ANO2: variants seen among roughly 807,000 people sequenced by gnomAD.
ANO2 encodes anoctamin 2.
ANO2 carries 101 observed loss-of-function variants against 124.2 expected under a neutral mutation model. The observed-to-expected ratio is 0.81, with a 90% CI of 0.69 to 0.96. The LOEUF (loss-of-function observed/expected upper bound fraction) is 0.96, where lower values mean the gene tolerates loss of function less well. Ranked by LOEUF, ANO2 falls within the 40% of genes least tolerant of loss-of-function variation. The pLI, the probability that ANO2 is intolerant of heterozygous loss-of-function variation, is 0.00. For synonymous variants in ANO2, 486 were observed against 482.5 expected (o/e 1.01, Z -0.09); for missense variants, 1,293 against 1,274.5 (o/e 1.01, Z -0.22).
At chr12:5,654,093 C>G (rs1947047607) in intron 14 of ANO2, among the ~76,000 whole-genome samples, 1 of 152,170 alleles carries the variant, frequency 6.6e-6, no homozygotes, top group African/African-American at 2.4e-5. Context: ...AAAATCAGAA[C>G]AGAATGAGAC....
chr12:5,945,692 G>A (rs888892742), upstream of ANO2, among the ~76,000 whole-genome samples: 1 of 152,254 alleles, frequency 6.6e-6, no homozygotes, highest in Admixed American at 6.5e-5. Context: ...CCCTGGGGCG[G>A]GAGTGGGGGC....
At chr12:5,667,603 G>C (rs1211691082) in intron 14 of ANO2, among the ~76,000 whole-genome samples, 2 of 152,098 alleles carry the variant, frequency 1.3e-5, no homozygotes, top group South Asian at 4.2e-4. Flanking sequence ...TTGTTACATA[G>C]GTAAACGTGT....
intron 7 of ANO2, among the ~76,000 whole-genome samples, chr12:5,810,237 C>T (rs1381751383): frequency 2.0e-5 from 3 of 152,126 alleles, no homozygotes; most frequent in African/African-American, 4.8e-5. Context: ...GCAGGAGAGG[C>T]ATGTTGAAAA....
chr12:5,732,553 T>C lies in ANO2; in HGVS notation c.1512A>G (p.Lys504=). 1 of 1,613,926 alleles carries C rather than the reference T, an allele frequency of 6.2e-7. No homozygotes were observed. Among genetic ancestry groups the C allele is most frequent in the South Asian group, 1.1e-5 (1 of 91,046 alleles). Residue 504 remains lysine (K), a synonymous_variant, in exon 14 of 25, where the codon AAA becomes AAG. Transcript: ENST00000682330. Reference sequence around the variant, plus strand: ...CACACTCCGTCGTGTTTGTTTCCAATTTCTGGACAGCAGACTGGTTGCTCT... The same window carrying C: ...CACACTCCGTCGTGTTTGTTTCCAACTTCTGGACAGCAGACTGGTTGCTCT... ...LKESNQSAVQ[K]LETNTTECGD...
chr12:5,569,368 G>T (rs577195750), intron 23 of ANO2, among the ~76,000 whole-genome samples: 1 of 152,058 alleles, frequency 6.6e-6, no homozygotes, highest in Non-Finnish European at 1.5e-5. Context: ...TGCCCCCAAA[G>T]AGAAGCAGAG....
At chr12:5,830,559 G>T in intron 5 of ANO2, 70 bp from the exon 6 acceptor site, 1 of 1,400,338 alleles carries the variant, frequency 7.1e-7, no homozygotes, top group Non-Finnish European at 9.9e-7. Flanking sequence ...TGCCACCCCA[G>T]ACCCACAACA....
chr12:5,640,268 T>C lies in ANO2; in HGVS notation c.1621-4921A>G, dbSNP rs145580323. Among the ~76,000 whole-genome samples, 43 of 152,082 alleles carry C rather than the reference T, an allele frequency of 2.8e-4. 1 individual carries two copies. Among genetic ancestry groups the C allele is most frequent in the African/African-American group, 1.0e-3 (42 of 41,462 alleles). On this transcript the variant is annotated intron_variant, in intron 15 of 24. Coordinates refer to ENST00000682330, the MANE Select transcript of ANO2 (RefSeq NM_001364791.2). ...TTCTGCCTAGGTTCAAGCACAGGGG[T>C]GAAGAAAGGAATGAGATGAGAGATA...
At chr12:5,668,124 T>TCCACAC (rs1262001593) in intron 14 of ANO2, among the ~76,000 whole-genome samples, 1 of 152,240 alleles carries the variant, frequency 6.6e-6, no homozygotes, top group African/African-American at 2.4e-5. Context: ...TTAAGGAATT[T>TCCACAC]CCACACTATC....
At chr12:5,917,362 GAA>G (rs56350037) in intron 3 of ANO2, among the ~76,000 whole-genome samples, 4 of 151,174 alleles carry the variant, frequency 2.6e-5, no homozygotes, top group East Asian at 3.9e-4. Flanking sequence ...TACATGCTAA[GAA>G]AAAAAAAAGT....
At chr12:5,717,953 C>G (rs901333519) in intron 14 of ANO2, among the ~76,000 whole-genome samples, 8 of 152,164 alleles carry the variant, frequency 5.3e-5, no homozygotes, top group Admixed American at 4.6e-4. Context: ...AAGAGCGGAC[C>G]ACATGGGCAG....
In ANO2 at chr12:5,900,199, C is replaced by T. The variant is rs1940089387; in HGVS notation, c.534+20841G>A. Among the ~76,000 whole-genome samples the T allele has an allele frequency of 6.6e-6, 1 of 152,148 alleles. No homozygotes were observed. The highest frequency in any genetic ancestry group is 6.5e-5 in the Admixed American group (1 of 15,274). ...GGATTTCAATGTAATCACGGACAACCAAGAGCCCTGAGAGGATGGAGAGGC... is the reference window on the plus strand; with the variant it reads ...GGATTTCAATGTAATCACGGACAACTAAGAGCCCTGAGAGGATGGAGAGGC... On this transcript the variant is annotated intron_variant, in intron 3 of 24. Coordinates refer to ENST00000682330, the MANE Select transcript of ANO2 (RefSeq NM_001364791.2). The surrounding 1 kb of genome is among the most constrained non-coding windows in gnomAD (Gnocchi z 4.2).
chr12:5,740,788 G>A (rs1951068092), intron 12 of ANO2: 1 of 152,160 alleles, frequency 6.6e-6, no homozygotes. Flanking sequence ...CTGGATTCCA[G>A]GACTATGTAT....
intron 5 of ANO2, among the ~76,000 whole-genome samples, chr12:5,831,389 G>A (rs1311108984): frequency 1.3e-5 from 2 of 152,186 alleles, no homozygotes; most frequent in East Asian, 1.9e-4. Context: ...TGCATGTGAA[G>A]TGACCATTCA....
At chr12:5,813,736 T>C (rs1953509232) in intron 7 of ANO2, among the ~76,000 whole-genome samples, 1 of 152,168 alleles carries the variant, frequency 6.6e-6, no homozygotes, top group South Asian at 2.1e-4. Flanking sequence ...CTGCTCTCTG[T>C]GAACTTTCAG....
chr12:5,698,169 C>T (rs965852303), intron 14 of ANO2, among the ~76,000 whole-genome samples: 3 of 152,220 alleles, frequency 2.0e-5, no homozygotes, highest in African/African-American at 4.8e-5. Context: ...CCCGGACTCC[C>T]GAGTAGCCTA....
intron 13 of ANO2, among the ~76,000 whole-genome samples, chr12:5,737,654 C>A (rs914612327): frequency 6.6e-6 from 1 of 152,236 alleles, no homozygotes; most frequent in East Asian, 1.9e-4. Context: ...GCACTCTACC[C>A]TACCCACCTC....
intron 3 of ANO2, among the ~76,000 whole-genome samples, chr12:5,884,066 T>C (rs1158353926): frequency 6.6e-6 from 1 of 152,194 alleles, no homozygotes; most frequent in Admixed American, 6.5e-5. Flanking sequence ...GGGAAACCTA[T>C]AGAGGGACAG....
chr12:5,576,447 C>T (rs998514367), intron 22 of ANO2, among the ~76,000 whole-genome samples: 4 of 152,182 alleles, frequency 2.6e-5, no homozygotes, highest in Admixed American at 6.5e-5. Flanking sequence ...CTGAGTAGTA[C>T]CAGAAAGCCA....
intron 16 of ANO2, among the ~76,000 whole-genome samples, chr12:5,629,030 G>A (rs2136929047): frequency 6.6e-6 from 1 of 152,158 alleles, no homozygotes; most frequent in South Asian, 2.1e-4. Flanking sequence ...CTCAGGAGTG[G>A]GCTGTCAGTA....
Sources: gnomAD v4.1 joint callset for allele counts (sites outside exome capture counted in the v4.1 genomes callset) on GRCh38, gnomAD v4.1.1 for gene constraint, Gnocchi (gnomAD v3.1) non-coding constraint, MANE v1.5 for transcripts, NCBI Gene and HGNC (gene_info 2026-07-23, HGNC 2026-07-21) for gene names.